Variants in MAP3K19 observed in about 807,000 individuals in gnomAD.
MAP3K19 encodes mitogen-activated protein kinase kinase kinase 19.
MAP3K19 carries 91 observed loss-of-function variants against 114.4 expected under a neutral mutation model. That is an observed-to-expected ratio of 0.80 (90% CI 0.67 to 0.95). The LOEUF (loss-of-function observed/expected upper bound fraction) is 0.95. Among genes scored for constraint, MAP3K19 ranks in the 40% least tolerant of loss-of-function variants. The pLI is 0.00. For missense variants in MAP3K19, 1,471 were observed against 1,573.2 expected, an observed-to-expected ratio of 0.94 and a Z score of 1.10; for synonymous variants, 518 against 530.5, an observed-to-expected ratio of 0.98 and a Z score of 0.32.
At chr2:134,980,604 G>A (rs1684563898) in intron 12 of MAP3K19, 1 of 535,220 alleles carries the variant, frequency 1.9e-6, no homozygotes, top group African/African-American at 1.9e-5. Flanking sequence ...TTTAATTGAG[G>A]CACTTTCTAC....
intron 5 of MAP3K19, among the ~76,000 whole-genome samples, chr2:135,009,157 G>A (rs538788073): frequency 3.3e-4 from 49 of 148,358 alleles, no homozygotes; most frequent in East Asian, 9.8e-4. Flanking sequence ...TAGAGATGGC[G>A]TTTCAATATG....
chr2:135,039,970 C>T lies in MAP3K19; in HGVS notation c.-284+393G>A, dbSNP rs543459883. 6.6e-5 allele frequency among the ~76,000 whole-genome samples: 10 copies of T among 152,290 alleles called. No homozygotes were observed. In the East Asian group the frequency reaches 7.7e-4, roughly 12 times the overall value. On this transcript the variant is annotated intron_variant, in intron 2 of 12. Coordinates refer to ENST00000392915, the MANE Select transcript of MAP3K19 (RefSeq NM_025052.5). ...CTGCCCTTTTAAGCCTTATTATTCA[C>T]GTATTTACCCCTGTTTCCCTACTTC...
chr2:135,002,169 G>A lies in MAP3K19; in HGVS notation c.236-2154C>T, dbSNP rs374760645. Reference sequence around the variant, plus strand: ...TTTCACATAATGAGGGTAAATTAACGCTATCAGAAAATATTACCATAGAGA... The same window carrying A: ...TTTCACATAATGAGGGTAAATTAACACTATCAGAAAATATTACCATAGAGA... On this transcript the variant is annotated intron_variant, in intron 6 of 12. Coordinates refer to ENST00000392915, the MANE Select transcript of MAP3K19 (RefSeq NM_025052.5). Among the ~76,000 whole-genome samples the A allele has an allele frequency of 7.2e-5, 11 of 152,128 alleles. No individual in the cohort carries two copies. In the East Asian group the frequency reaches 7.7e-4, roughly 11 times the overall value.
chr2:134,968,719 A>G (rs191317578), intron 12 of MAP3K19, among the ~76,000 whole-genome samples: 57,568 of 147,038 alleles, frequency 0.39, 12,595 homozygotes, highest in East Asian at 0.76. Flanking sequence ...ATGGGGCGGC[A>G]GGGCAGAGGC....
Position 134,986,801 on chromosome 2 carries a change from C to T in MAP3K19, c.2071G>A (p.Ala691Thr). ...TTGGTGATACGTCTGCCTGATGGAG[C>T]CGAACATATCTCACGGTAATACGTG... Reference protein sequence around the residue: ...ENTYYREICSAPSGRRITNKC... With the variant: ...ENTYYREICSTPSGRRITNKC... The change falls in exon 10 of 13, where the codon GCT (alanine) becomes ACT (threonine). Residue 691 changes from alanine (A) to threonine (T), a missense_variant. By Grantham distance (58) the Ala-to-Thr change is moderately conservative. Coordinates refer to ENST00000392915, the MANE Select transcript of MAP3K19 (RefSeq NM_025052.5). 1 of 1,614,172 alleles carries T rather than the reference C, an allele frequency of 6.2e-7. No homozygotes were observed.
At position 134,978,189 on chromosome 2, in the gene MAP3K19, A is replaced by T. The variant is rs74940059; in HGVS notation, c.3920+2632T>A. ...GACTGTAGCAATCAACCTTATAATG[A>T]TTTTTTTTTTTTTTTGAGACAGAGT... On this transcript the variant is annotated intron_variant, in intron 12 of 12. Transcript: ENST00000392915. Among the ~76,000 whole-genome samples the T allele has an allele frequency of 3.9e-4, 53 of 137,230 alleles. 1 individual carries two copies. In the East Asian group the frequency reaches 0.013, roughly 33 times the overall value. The allele number at this position is 137,230 out of a possible 152,430, so 90.0% of individuals were successfully genotyped here. A position where few individuals can be genotyped will look rare whatever the true frequency, so the allele number is the denominator to read the frequency against.
chr2:135,019,811 C>T (rs1048127038), intron 5 of MAP3K19, among the ~76,000 whole-genome samples: 1 of 152,140 alleles, frequency 6.6e-6, no homozygotes, highest in Non-Finnish European at 1.5e-5. Context: ...TAGGCAATCA[C>T]TGTTGCCAGT....
chr2:135,034,844 AG>A (rs1688492301), intron 2 of MAP3K19, among the ~76,000 whole-genome samples: 1 of 5,568 alleles, frequency 1.8e-4, no homozygotes, highest in Non-Finnish European at 3.8e-4. Flanking sequence ...GGGGAGGGGG[AG>A]GGGGAGGGGG....
chr2:135,012,332 G>A (rs1687289746), intron 5 of MAP3K19, among the ~76,000 whole-genome samples: 1 of 152,088 alleles, frequency 6.6e-6, no homozygotes, highest in Admixed American at 6.6e-5. Context: ...GGGGTGGGAG[G>A]TGGGCGCTGG....
intron 5 of MAP3K19, among the ~76,000 whole-genome samples, chr2:135,007,183 T>G (rs72976310): frequency 0.059 from 8,963 of 151,970 alleles, 518 homozygotes; most frequent in African/African-American, 0.15. Context: ...AAACCAGAAG[T>G]AAAACCCTCC....
rs767868678 is a variant in MAP3K19, at chr2:134,980,888, G to A, written c.3853C>T (p.Leu1285=). Residue 1285 remains leucine (L), a synonymous_variant, in exon 12 of 13, where the codon CTG becomes TTG. Coordinates refer to ENST00000392915, the MANE Select transcript of MAP3K19 (RefSeq NM_025052.5). ...AAGTGGTCTGGTAAAGGAGGCATCAGCCCTCGGTGTGCTCCGATGTAAAAC... is the reference window on the plus strand; with the variant it reads ...AAGTGGTCTGGTAAAGGAGGCATCAACCCTCGGTGTGCTCCGATGTAAAAC... The part of the protein sequence containing the change: ...AMFYIGAHRG[L]MPPLPDHFSE... 3 of 1,614,230 alleles carry A rather than the reference G, an allele frequency of 1.9e-6. No homozygotes were observed. The South Asian group carries it at 3.3e-5, about 18-fold the overall frequency.
chr2:135,022,454 C>T (rs1324830904), intron 4 of MAP3K19, among the ~76,000 whole-genome samples: 4 of 152,156 alleles, frequency 2.6e-5, no homozygotes, highest in African/African-American at 9.7e-5. Flanking sequence ...TTAGGAGATG[C>T]TTCTTGGCCT....
rs376648788 is a variant in MAP3K19 at position 134,986,054 on chromosome 2, G to T, written c.2818C>A (p.Gln940Lys). The T allele has an allele frequency of 1.9e-6, 3 of 1,613,758 alleles. No homozygotes were observed. The African/African-American group carries it at 4.0e-5, about 22-fold the overall frequency. ...DSLANKSITY[Q>K]MFGKTLSGTN... ...CCACTTAAGGTTTTTCCAAACATTT[G>T]ATATGTGATTGACTTATTTGCTAAA... is the stretch of plus-strand genomic sequence containing the variant. The change falls in exon 10 of 13, where the codon CAA (glutamine) becomes AAA (lysine). Residue 940 changes from glutamine to lysine, a missense_variant. Physicochemically the swap from Gln to Lys is moderately conservative, Grantham distance 53. Transcript: ENST00000392915.
intron 4 of MAP3K19, chr2:135,023,436 G>C (rs749054435): frequency 1.9e-6 from 1 of 533,038 alleles, no homozygotes; most frequent in Non-Finnish European, 3.8e-6. Context: ...TCTCCTCTCT[G>C]TAGAGAACTC....
In MAP3K19 at chr2:134,989,297, T is replaced by G. The variant is rs999166099; in HGVS notation, c.619-1044A>C. 5.3e-5 allele frequency among the ~76,000 whole-genome samples: 8 copies of G among 152,358 alleles called. No individual in the cohort carries two copies. The South Asian group carries it at 6.2e-4, about 12-fold the overall frequency. On this transcript the variant is annotated intron_variant, in intron 9 of 12. Transcript: ENST00000392915. ...TGTGGTCTTTTCCTGTGTATACAGATTCAATACCTATTTATATCACAATAT... is the reference window on the plus strand; with the variant it reads ...TGTGGTCTTTTCCTGTGTATACAGAGTCAATACCTATTTATATCACAATAT...
intron 5 of MAP3K19, among the ~76,000 whole-genome samples, chr2:135,014,075 C>T (rs146355490): frequency 1.3e-5 from 2 of 152,220 alleles, no homozygotes; most frequent in African/African-American, 2.4e-5. Context: ...CACATTCATT[C>T]GGGCCAGTGG....
At chr2:134,976,013 T>C (rs1040646402) in intron 12 of MAP3K19, among the ~76,000 whole-genome samples, 6 of 152,214 alleles carry the variant, frequency 3.9e-5, no homozygotes, top group African/African-American at 7.2e-5. Context: ...CCTGGTGCGC[T>C]GCACTGTTGT....
chr2:135,002,415 CTTATTTTATT>C (rs10546607), intron 6 of MAP3K19, among the ~76,000 whole-genome samples: 1,557 of 150,884 alleles, frequency 0.01, 25 homozygotes, highest in Middle Eastern at 0.051. Flanking sequence ...GTTTGGTCTC[CTTATTTTATT>C]TTATTTTATT....
chr2:135,024,884 G>A (rs1416520146), intron 3 of MAP3K19, 143 bp from the exon 4 acceptor site: 1 of 459,760 alleles, frequency 2.2e-6, no homozygotes, highest in African/African-American at 2.0e-5. Context: ...ATTTCAAAAT[G>A]TGTGAATAGA....
Sources: allele counts gnomAD v4.1 joint callset (sites outside exome capture counted in the v4.1 genomes callset), GRCh38; gene constraint gnomAD v4.1.1; transcripts MANE v1.5; gene names NCBI Gene and HGNC (gene_info 2026-07-23, HGNC 2026-07-21).